The following FAM114A1 variants were observed in gnomAD, a reference collection of about 807,000 sequenced individuals.
FAM114A1 encodes the protein family with sequence similarity 114 member A1.
FAM114A1 carries 62 observed loss-of-function variants against 64.3 expected under a neutral mutation model. That is an observed-to-expected ratio of 0.96 (90% CI 0.79 to 1.19). The LOEUF is 1.19. Among genes scored for constraint, FAM114A1 ranks in the 50% most tolerant of loss-of-function variants. The pLI is 0.00. For missense variants in FAM114A1, 645 were observed against 676.3 expected (o/e 0.95, Z 0.51); for synonymous variants, 254 against 251.1 (o/e 1.01, Z -0.11).
At position 38,915,323 on chromosome 4, in the gene FAM114A1, C is replaced by T. The variant is rs73150461; in HGVS notation, c.945+250C>T. On this transcript the variant is annotated intron_variant, in intron 8 of 14. Coordinates refer to ENST00000358869, the MANE Select transcript of FAM114A1 (RefSeq NM_138389.4). Reference sequence around the variant, plus strand: ...AGTAAGAGCCACCACTATCCCCCCACCTCATGGTGCAAAAGGCTGCTCAGA... The same window carrying T: ...AGTAAGAGCCACCACTATCCCCCCATCTCATGGTGCAAAAGGCTGCTCAGA... Among the ~76,000 whole-genome samples, 509 of 152,248 alleles carry T rather than the reference C, an allele frequency of 3.3e-3. 3 individuals are homozygous for T. The highest frequency in any genetic ancestry group is 0.012 in the African/African-American group (492 of 41,548).
chr4:38,871,798 G>C (rs1250355755), intron 2 of FAM114A1, among the ~76,000 whole-genome samples: 1 of 152,210 alleles, frequency 6.6e-6, no homozygotes, highest in Non-Finnish European at 1.5e-5. Flanking sequence ...ACATGTATTA[G>C]CAAACAGGCT....
intron 4 of FAM114A1, among the ~76,000 whole-genome samples, chr4:38,895,032 G>A (rs1013850130): frequency 6.6e-6 from 1 of 152,076 alleles, no homozygotes. Flanking sequence ...GTTGTTCCTC[G>A]CTTGCCTCTC....
intron 4 of FAM114A1, 150 bp downstream of exon 4, chr4:38,891,980 C>T (rs1716455455): frequency 5.1e-6 from 3 of 584,352 alleles, no homozygotes; most frequent in South Asian, 1.0e-4. Context: ...TCATTTATTC[C>T]TCCAATACAT....
At chr4:38,889,970 A>C (rs1017085446) in intron 3 of FAM114A1, among the ~76,000 whole-genome samples, 1 of 152,220 alleles carries the variant, frequency 6.6e-6, no homozygotes, top group African/African-American at 2.4e-5. Flanking sequence ...TCAGGTCCAC[A>C]TTCAGGGCAG....
At chr4:38,890,975 C>T (rs2109604154) in intron 3 of FAM114A1, among the ~76,000 whole-genome samples, 2 of 152,334 alleles carry the variant, frequency 1.3e-5, no homozygotes, top group South Asian at 4.1e-4. Flanking sequence ...CTCCATTCTG[C>T]TCACTCTGCC....
intron 3 of FAM114A1, among the ~76,000 whole-genome samples, chr4:38,884,279 G>A (rs776506103): frequency 1.3e-5 from 2 of 152,198 alleles, no homozygotes; most frequent in Non-Finnish European, 2.9e-5. Flanking sequence ...GCAAGCCACC[G>A]CACCGGCCTG....
chr4:38,927,861 T>C (rs950137109), intron 9 of FAM114A1, among the ~76,000 whole-genome samples: 5 of 152,138 alleles, frequency 3.3e-5, no homozygotes, highest in African/African-American at 7.2e-5. Context: ...TTTTTGTATT[T>C]TTAGTAGAGA....
chr4:38,890,180 G>A (rs73148466), intron 3 of FAM114A1, among the ~76,000 whole-genome samples: 31 of 152,144 alleles, frequency 2.0e-4, no homozygotes, highest in African/African-American at 6.3e-4. Flanking sequence ...CCAAGGGGGC[G>A]GATCATGAGG....
At chr4:38,905,149 C>T (rs910911927) in intron 4 of FAM114A1, among the ~76,000 whole-genome samples, 2 of 152,110 alleles carry the variant, frequency 1.3e-5, no homozygotes, top group African/African-American at 4.8e-5. Context: ...GTAATCCCAG[C>T]ACTTTGGGAG....
intron 3 of FAM114A1, among the ~76,000 whole-genome samples, chr4:38,886,901 C>A (rs1715866726): frequency 6.9e-6 from 1 of 145,898 alleles, no homozygotes; most frequent in African/African-American, 2.6e-5. Flanking sequence ...GCACTCCAGC[C>A]TGGGAGACAG....
At position 38,878,349 on chromosome 4, in the gene FAM114A1, C is replaced by T. The variant is rs375845425; in HGVS notation, c.271C>T (p.Leu91Phe). ...PLNGDVTEDT[L>F]AECIDSVSLE... ...CAATGGAGACGTGACTGAGGATACA[C>T]TTGCTGAATGTATTGATTCCGTCAG... is the stretch of plus-strand genomic sequence containing the variant. Residue 91 changes from leucine to phenylalanine, a missense_variant, in exon 3 of 15, where the codon CTT becomes TTT. Transcript: ENST00000358869. The T allele has an allele frequency of 6.2e-6, 10 of 1,613,898 alleles. No individual in the cohort carries two copies. The highest frequency in any genetic ancestry group is 8.5e-6 in the Non-Finnish European group (10 of 1,179,938).
intron 7 of FAM114A1, among the ~76,000 whole-genome samples, chr4:38,912,004 GT>G (rs1718598812): frequency 6.6e-6 from 1 of 151,370 alleles, no homozygotes; most frequent in Non-Finnish European, 1.5e-5. Flanking sequence ...TGGGATTACA[GT>G]GTGCACCACC....
chr4:38,927,477 C>T (rs1177355985), intron 9 of FAM114A1, among the ~76,000 whole-genome samples: 1 of 152,118 alleles, frequency 6.6e-6, no homozygotes, highest in African/African-American at 2.4e-5. Context: ...GGGCTCCCCA[C>T]TTCATGATCT....
chr4:38,934,626 C>T (rs1042490028), intron 12 of FAM114A1, among the ~76,000 whole-genome samples: 20 of 152,124 alleles, frequency 1.3e-4, no homozygotes, highest in African/African-American at 4.6e-4. Flanking sequence ...ACCTACATTA[C>T]TAGGTAATCA....
intron 12 of FAM114A1, among the ~76,000 whole-genome samples, chr4:38,932,764 T>C (rs868019861): frequency 4.6e-5 from 7 of 152,082 alleles, no homozygotes; most frequent in Admixed American, 1.3e-4. Flanking sequence ...CCTAAAGTGC[T>C]ACGATTACAG....
chr4:38,917,167 A>C (rs1377642282), intron 8 of FAM114A1, among the ~76,000 whole-genome samples: 1 of 150,626 alleles, frequency 6.6e-6, no homozygotes, highest in Non-Finnish European at 1.5e-5. Flanking sequence ...TAAATAAATA[A>C]ATAAATAAAT....
Position 38,931,555 on chromosome 4 carries a change from G to T in FAM114A1, c.1266G>T (p.Glu422Asp). Residue 422 changes from glutamate to aspartate, a missense_variant, in exon 11 of 15, where the codon GAG (glutamate) becomes GAT (aspartate). Glu to Asp is a conservative substitution (Grantham distance 45). Transcript: ENST00000358869. ...EEETKKEEKE[E>D]KSQDPQEDKK... is the part of the protein sequence containing the mutation. ...AAACAAAGAAGGAAGAAAAGGAAGA[G>T]AAATCTCAAGACCCTCAAGAAGACA... The T allele has an allele frequency of 1.2e-6, 2 of 1,613,914 alleles. No individual in the cohort carries two copies. Among genetic ancestry groups the T allele is most frequent in the Non-Finnish European group, 1.7e-6 (2 of 1,179,960 alleles).
chr4:38,885,566 C>T (rs542488015), intron 3 of FAM114A1, among the ~76,000 whole-genome samples: 2 of 152,218 alleles, frequency 1.3e-5, no homozygotes, highest in South Asian at 2.1e-4. Flanking sequence ...AGTGTGCCAC[C>T]GAAGCCAGCT....
intron 6 of FAM114A1, 140 bp downstream of exon 6, chr4:38,906,001 T>C: frequency 1.5e-6 from 1 of 674,458 alleles, no homozygotes; most frequent in Non-Finnish European, 2.4e-6. Context: ...TTTTTTAATG[T>C]TTTCTGCTAC....
Sources: gnomAD v4.1 joint callset for allele counts (sites outside exome capture counted in the v4.1 genomes callset) on GRCh38, gnomAD v4.1.1 for gene constraint, MANE v1.5 for transcripts, NCBI Gene and HGNC (gene_info 2026-07-23, HGNC 2026-07-21) for gene names.